The following ADAM28 variants were observed in gnomAD, a reference collection of about 807,000 sequenced individuals.
The protein encoded by ADAM28 is disintegrin and metalloproteinase domain-containing protein 28.
Under a neutral mutation model 101.2 loss-of-function variants are expected in ADAM28, and 105 were observed. The ratio of observed to expected loss-of-function variants is 1.04; its 90% CI spans 0.89 to 1.22. ADAM28 has a LOEUF of 1.22. Ranked by LOEUF, ADAM28 falls within the 50% of genes most tolerant of loss-of-function variation. The pLI is 0.00. For synonymous variants in ADAM28, 322 were observed against 310.6 expected, an observed-to-expected ratio of 1.04 and a Z score of -0.39; for missense variants, 1,028 against 945.4, an observed-to-expected ratio of 1.09 and a Z score of -1.15.
rs77407654 is a variant in ADAM28, at chr8:24,316,916, C to T, written c.577-3320C>T. On this transcript the variant is annotated intron_variant, in intron 6 of 22. Coordinates refer to ENST00000265769, the MANE Select transcript of ADAM28 (RefSeq NM_014265.6). ...ACAAAATCTGTGACATTTCTATACA[C>T]GAATAACAACCTAGCCAAAAATGAA... is the stretch of plus-strand genomic sequence containing the variant. Among the ~76,000 whole-genome samples the T allele has an allele frequency of 7.2e-4, 110 of 151,998 alleles. 2 individuals are homozygous for T. In the East Asian group the frequency reaches 0.016, roughly 22 times the overall value.
rs181970454 is a variant in ADAM28, at chr8:24,326,804, A to T, written c.972+169A>T. ...AATTTTGCATTCCAGTGTAAACTCAACATATTGATAATGCATTATCTTTTT... is the reference window on the plus strand; with the variant it reads ...AATTTTGCATTCCAGTGTAAACTCATCATATTGATAATGCATTATCTTTTT... On this transcript the variant is annotated intron_variant, in intron 10 of 22. Transcript: ENST00000265769. 4.6e-5 allele frequency among the ~76,000 whole-genome samples: 7 copies of T among 152,226 alleles called. No individual in the cohort carries two copies. In the East Asian group the frequency reaches 1.4e-3, roughly 29 times the overall value.
rs747136016 is a variant in ADAM28 at position 24,341,678 on chromosome 8, C to T, written c.1751C>T (p.Thr584Ile). Residue 584 changes from threonine (T) to isoleucine (I), a missense_variant, in exon 16 of 23, where the codon ACA becomes ATA. Transcript: ENST00000265769. ...AAAGGACGGATAGTGACTTTCCTGA[C>T]ATGTAAAACATTTGATCCTGAAGAC... ...PWKGRIVTFL[T>I]CKTFDPEDTS... 1.2e-6 allele frequency: 2 copies of T among 1,613,850 alleles called. No individual in the cohort carries two copies. The highest frequency in any genetic ancestry group is 1.7e-6 in the Non-Finnish European group (2 of 1,179,816).
intron 9 of ADAM28, among the ~76,000 whole-genome samples, chr8:24,324,569 A>G (rs889321339): frequency 2.6e-5 from 4 of 152,010 alleles, no homozygotes; most frequent in African/African-American, 9.7e-5. Flanking sequence ...TGGAGAGGCT[A>G]TTACCTAAGA....
At chr8:24,300,400 G>A (rs746847054) in intron 2 of ADAM28, among the ~76,000 whole-genome samples, 3 of 152,060 alleles carry the variant, frequency 2.0e-5, no homozygotes, top group Non-Finnish European at 4.4e-5. Flanking sequence ...AGGTTAAAAA[G>A]AGTAAATTTG....
chr8:24,335,948 T>C lies in ADAM28; in HGVS notation c.1567+307T>C, dbSNP rs562504778. On this transcript the variant is annotated intron_variant, in intron 14 of 22. Coordinates refer to ENST00000265769, the MANE Select transcript of ADAM28 (RefSeq NM_014265.6). Reference sequence around the variant, plus strand: ...TGTGCTCATACTAAAATTATTTGTGTATCTGAAATTCAAATTAAACTGGGT... The same window carrying C: ...TGTGCTCATACTAAAATTATTTGTGCATCTGAAATTCAAATTAAACTGGGT... 6 of 1,089,168 alleles carry C rather than the reference T, an allele frequency of 5.5e-6. No homozygotes were observed. The East Asian group carries it at 2.6e-4, about 47-fold the overall frequency. The allele number at this position is 1,089,168 out of a possible 1,614,324, so 67.5% of individuals were successfully genotyped here.
intron 5 of ADAM28, among the ~76,000 whole-genome samples, chr8:24,312,609 T>C (rs970776054): frequency 2.0e-5 from 3 of 151,826 alleles, no homozygotes; most frequent in Non-Finnish European, 1.5e-5. Flanking sequence ...CTTGTACTTT[T>C]TCTTCACATC....
chr8:24,299,885 G>A (rs761265746), intron 1 of ADAM28, 89 bp from the exon 2 acceptor site: 5 of 909,116 alleles, frequency 5.5e-6, no homozygotes, highest in South Asian at 1.6e-5. Flanking sequence ...GTGTGGCATC[G>A]TTCATTGGGA....
rs768439977 is a variant in ADAM28, at chr8:24,343,154, T to C, written c.1884T>C (p.Asn628=). The change falls in exon 17 of 23, where the codon AAT becomes AAC. Residue 628 remains asparagine, a synonymous_variant. Transcript: ENST00000265769. ...VDIEKAYKST[N]CSSKCKGHAV... ...TTGAGAAAGCCTACAAATCAACCAATTGCTCATCTAAGTGCAAAGGACATG... is the reference window on the plus strand; with the variant it reads ...TTGAGAAAGCCTACAAATCAACCAACTGCTCATCTAAGTGCAAAGGACATG... 1 of 1,613,834 alleles carries C rather than the reference T, an allele frequency of 6.2e-7. No individual in the cohort carries two copies. Among genetic ancestry groups the C allele is most frequent in the Non-Finnish European group, 8.5e-7 (1 of 1,179,818 alleles).
At chr8:24,331,062 C>T (rs967304767) in intron 11 of ADAM28, 88 bp from the exon 12 acceptor site, 26 of 1,312,418 alleles carry the variant, frequency 2.0e-5, no homozygotes, top group Middle Eastern at 2.2e-4. Flanking sequence ...TGGGGCAGGC[C>T]GTGGGTGTAA....
At chr8:24,320,355 T>C in intron 7 of ADAM28, 48 bp downstream of exon 7, 2 of 1,192,380 alleles carry the variant, frequency 1.7e-6, no homozygotes, top group Non-Finnish European at 2.4e-6. Context: ...CCCACCCACA[T>C]ATATTTATTT....
rs147269596 is a variant in ADAM28 at position 24,339,531 on chromosome 8, C to A, written c.1633C>A (p.Arg545Ser). Reference protein sequence around the residue: ...NEGGSKYGYCRRVDDTLIPCK... With the variant: ...NEGGSKYGYCSRVDDTLIPCK... ...AGGTGGGTCAAAGTACGGGTACTGTCGCAGAGTGGATGACACACTCATTCC... is the reference window on the plus strand; with the variant it reads ...AGGTGGGTCAAAGTACGGGTACTGTAGCAGAGTGGATGACACACTCATTCC... Residue 545 changes from arginine to serine, a missense_variant, in exon 15 of 23, where the codon CGC becomes AGC. Transcript: ENST00000265769. 2 of 1,612,774 alleles carry A rather than the reference C, an allele frequency of 1.2e-6. No individual in the cohort carries two copies. Among genetic ancestry groups the A allele is most frequent in the African/African-American group, 2.7e-5 (2 of 74,852 alleles).
intron 6 of ADAM28, among the ~76,000 whole-genome samples, chr8:24,316,747 C>A (rs1040794118): frequency 6.6e-6 from 1 of 151,984 alleles, no homozygotes; most frequent in Non-Finnish European, 1.5e-5. Flanking sequence ...AGAAAAGACA[C>A]ATTCAACTTG....
At chr8:24,330,206 G>A (rs1408361503) in intron 11 of ADAM28, 91 bp downstream of exon 11, 1 of 1,455,298 alleles carries the variant, frequency 6.9e-7, no homozygotes, top group African/African-American at 1.4e-5. Context: ...TCAACAACGT[G>A]TTCGAGTTTT....
intron 14 of ADAM28, chr8:24,336,137 G>A (rs560475366): frequency 6.1e-6 from 6 of 985,600 alleles, no homozygotes; most frequent in African/African-American, 5.2e-5. Context: ...TGGAAATGCA[G>A]AAAGCCAATA....
intron 6 of ADAM28, among the ~76,000 whole-genome samples, chr8:24,316,190 G>A (rs964499725): frequency 2.0e-5 from 3 of 151,600 alleles, no homozygotes; most frequent in Non-Finnish European, 3.0e-5. Context: ...TAGCAGCTAG[G>A]AACATGTTTT....
intron 1 of ADAM28, among the ~76,000 whole-genome samples, chr8:24,294,563 T>C (rs150317337): frequency 6.6e-6 from 1 of 152,334 alleles, no homozygotes; most frequent in African/African-American, 2.4e-5. Context: ...GTGGCAGATT[T>C]ATTTATTTAT....
chr8:24,351,231 G>A lies in ADAM28; in HGVS notation c.2100-1G>A, dbSNP rs778955607. 6.3e-7 allele frequency: 1 copy of A among 1,587,788 alleles called. No individual in the cohort carries two copies. The highest frequency in any genetic ancestry group is 8.6e-7 in the Non-Finnish European group (1 of 1,168,742). On this transcript the variant is annotated splice_acceptor_variant, in intron 19 of 22. Coordinates refer to ENST00000265769, the MANE Select transcript of ADAM28 (RefSeq NM_014265.6). LOFTEE classifies it high-confidence loss of function. ...TGATATCATGTGTTTCTCTCTTACA[G>A]GCCACTATCTACCACTGGCACCAGG...
chr8:24,327,238 T>A (rs1224720521), intron 10 of ADAM28, among the ~76,000 whole-genome samples: 2 of 152,098 alleles, frequency 1.3e-5, no homozygotes, highest in African/African-American at 4.8e-5. Flanking sequence ...CAAGCATTCG[T>A]ATACACCAAT....
rs543649697 is a variant in ADAM28 at position 24,326,090 on chromosome 8, C to A, written c.891-464C>A. 2.4e-3 allele frequency among the ~76,000 whole-genome samples: 365 copies of A among 151,782 alleles called. 1 individual carries two copies. The highest frequency in any genetic ancestry group is 0.017 in the Middle Eastern group (5 of 294). ...TGAATAATATAAATGATCACTAATACAAATGCTTTCAAAATGGGCCCAATC... is the reference window on the plus strand; with the variant it reads ...TGAATAATATAAATGATCACTAATAAAAATGCTTTCAAAATGGGCCCAATC... On this transcript the variant is annotated intron_variant, in intron 9 of 22. Coordinates refer to ENST00000265769, the MANE Select transcript of ADAM28 (RefSeq NM_014265.6).
Sources: allele counts gnomAD v4.1 joint callset (sites outside exome capture counted in the v4.1 genomes callset), GRCh38; gene constraint gnomAD v4.1.1; transcripts MANE v1.5; gene names NCBI Gene and HGNC (gene_info 2026-07-23, HGNC 2026-07-21).